Variants in RAB43 observed in about 807,000 individuals in gnomAD.
RAB43 encodes ras-related protein Rab-43.
A neutral mutation model predicts 18.8 loss-of-function variants in RAB43; 6 were observed. The ratio of observed to expected loss-of-function variants is 0.32; its 90% CI spans 0.17 to 0.63. RAB43 has a LOEUF of 0.63. Ranked by LOEUF, RAB43 falls within the 30% of genes least tolerant of loss-of-function variation. The probability of loss-of-function intolerance (pLI) is 0.79; values close to 1 mark genes in which losing one functional copy is unlikely to be tolerated. For synonymous variants in RAB43, 103 were observed against 124.1 expected (o/e 0.83, Z 1.13); for missense variants, 195 against 289.1 (o/e 0.67, Z 2.36).
chr3:129,107,190 A>T lies in RAB43; in HGVS notation c.205-12021T>A, dbSNP rs1304875625. ...GGGGTCACAGGAATGAAGCATCAGC[A>T]GAGGTCTGTCTGACTCCGAAGCCTG... On this transcript the variant is annotated intron_variant, in intron 1 of 2. Coordinates refer to ENST00000315150, the MANE Select transcript of RAB43 (RefSeq NM_198490.3). This position sits in a 1 kb window ranked among gnomAD's most constrained non-coding sequence, Gnocchi z 4.2. Among the ~76,000 whole-genome samples the T allele has an allele frequency of 6.6e-6, 1 of 152,234 alleles. No homozygotes were observed. The highest frequency in any genetic ancestry group is 1.5e-5 in the Non-Finnish European group (1 of 68,048).
At chr3:129,115,735 C>T (rs1307613787) in intron 1 of RAB43, among the ~76,000 whole-genome samples, 7 of 151,980 alleles carry the variant, frequency 4.6e-5, no homozygotes, top group Admixed American at 3.9e-4. Flanking sequence ...GCAGGAGAAT[C>T]GCTTGAACCT....
chr3:129,110,745 GTGA>G (rs1935112902), intron 1 of RAB43, among the ~76,000 whole-genome samples: 1 of 152,122 alleles, frequency 6.6e-6, no homozygotes. Context: ...TTCTTTTGCG[GTGA>G]TGAAAATATC....
chr3:129,094,230 A>T (rs988463427), intron 2 of RAB43, among the ~76,000 whole-genome samples: 3 of 152,178 alleles, frequency 2.0e-5, no homozygotes, highest in African/African-American at 7.2e-5. Context: ...ATTCTGAGGC[A>T]CGGAAGCCAT....
intron 1 of RAB43, among the ~76,000 whole-genome samples, chr3:129,118,864 T>A (rs1576852755): frequency 6.6e-6 from 1 of 152,184 alleles, no homozygotes; most frequent in African/African-American, 2.4e-5. Context: ...GATGTGCACT[T>A]GCTTTCCACA....
At chr3:129,092,007 G>A (rs1466547855) in intron 2 of RAB43, among the ~76,000 whole-genome samples, 7 of 149,184 alleles carry the variant, frequency 4.7e-5, no homozygotes, top group Non-Finnish European at 8.9e-5. Context: ...GCAGTGAGCC[G>A]AGATTGTGCC....
Position 129,095,040 on chromosome 3 carries a change from A to T in RAB43, c.334T>A (p.Trp112Arg). 1.2e-6 allele frequency: 2 copies of T among 1,613,686 alleles called. No homozygotes were observed. Among genetic ancestry groups the T allele is most frequent in the Non-Finnish European group, 1.7e-6 (2 of 1,179,732 alleles). Residue 112 changes from tryptophan (W) to arginine (R), a missense_variant, in exon 2 of 3, where the codon TGG becomes AGG. Physicochemically the swap from Trp to Arg is moderately radical, Grantham distance 101. Coordinates refer to ENST00000315150, the MANE Select transcript of RAB43 (RefSeq NM_198490.3). The surrounding 1 kb of genome is among the most constrained non-coding windows in gnomAD (Gnocchi z 4.2). The part of the protein sequence containing the change: ...KRSSFLSVPH[W>R]IEDVRKYAGS... The stretch of plus-strand genomic sequence containing the variant: ...GCATACTTCCTCACATCCTCAATCC[A>T]GTGAGGCACCGACAGGAAGGAGCTC...
At position 129,095,529 on chromosome 3, in the gene RAB43, C is replaced by T. The variant is rs1026551673; in HGVS notation, c.205-360G>A. Among the ~76,000 whole-genome samples, 2 of 152,202 alleles carry T rather than the reference C, an allele frequency of 1.3e-5. No homozygotes were observed. The highest frequency in any genetic ancestry group is 1.3e-4 in the Admixed American group (2 of 15,284). On this transcript the variant is annotated intron_variant, in intron 1 of 2. Coordinates refer to ENST00000315150, the MANE Select transcript of RAB43 (RefSeq NM_198490.3). The surrounding 1 kb of genome is among the most constrained non-coding windows in gnomAD (Gnocchi z 4.2). The stretch of plus-strand genomic sequence containing the variant: ...AAGCGGCCGGCGGCTGGAAAGCTGG[C>T]TCCAGGTGCACTGCACGGCCAGCAG...
intron 1 of RAB43, among the ~76,000 whole-genome samples, chr3:129,119,855 TAGCACATG>T (rs1935796310): frequency 1.3e-5 from 2 of 152,102 alleles, no homozygotes; most frequent in Non-Finnish European, 2.9e-5. Context: ...CACAGACCGA[TAGCACATG>T]AGGAGGACAC....
chr3:129,109,742 AAATAATAAT>A (rs530716127), intron 1 of RAB43, among the ~76,000 whole-genome samples: 8 of 150,586 alleles, frequency 5.3e-5, no homozygotes, highest in Admixed American at 1.3e-4. Context: ...ACTCCATCTA[AAATAATAAT>A]AATAATAATA....
Position 129,091,312 on chromosome 3 carries a change from G to C in RAB43, c.423C>G (p.Val141=). 6.2e-7 allele frequency: 1 copy of C among 1,600,744 alleles called. No individual in the cohort carries two copies. Among genetic ancestry groups the C allele is most frequent in the Non-Finnish European group, 8.5e-7 (1 of 1,173,640 alleles). ...CCAGGCTCTGTGCCTCAGCCAAGGAGACCTCCCGAAGCTCGCTGAGGTCTG... is the reference window on the plus strand; with the variant it reads ...CCAGGCTCTGTGCCTCAGCCAAGGACACCTCCCGAAGCTCGCTGAGGTCTG... ...NKSDLSELRE[V]SLAEAQSLAE... The change falls in exon 3 of 3, where the codon GTC becomes GTG. Residue 141 remains valine (V), a synonymous_variant. Transcript: ENST00000315150.
chr3:129,112,732 T>C (rs1242856018), intron 1 of RAB43, among the ~76,000 whole-genome samples: 1 of 151,614 alleles, frequency 6.6e-6, no homozygotes, highest in Non-Finnish European at 1.5e-5. Flanking sequence ...GCTAACATTA[T>C]GGTAGGCAGG....
At chr3:129,092,169 C>T (rs1304448393) in intron 2 of RAB43, among the ~76,000 whole-genome samples, 1 of 151,214 alleles carries the variant, frequency 6.6e-6, no homozygotes, top group Non-Finnish European at 1.5e-5. Flanking sequence ...CTGATCTCAA[C>T]AAACTGGAAA....
At chr3:129,104,933 T>C (rs1027904625) in intron 1 of RAB43, among the ~76,000 whole-genome samples, 3 of 152,196 alleles carry the variant, frequency 2.0e-5, no homozygotes, top group East Asian at 1.9e-4. Flanking sequence ...GGTCCAACCC[T>C]GAGCAGAATT....
chr3:129,115,585 C>G (rs575608660), intron 1 of RAB43, among the ~76,000 whole-genome samples: 1 of 152,042 alleles, frequency 6.6e-6, no homozygotes, highest in South Asian at 2.1e-4. Context: ...TTTGGGAGAC[C>G]CAGGTGGGTG....
At chr3:129,111,717 G>A (rs747667201) in intron 1 of RAB43, among the ~76,000 whole-genome samples, 4 of 151,714 alleles carry the variant, frequency 2.6e-5, no homozygotes, top group Non-Finnish European at 4.4e-5. Flanking sequence ...TAATAAAACT[G>A]ATTTTTTTCT....
chr3:129,115,739 T>C (rs1378311155), intron 1 of RAB43, among the ~76,000 whole-genome samples: 2 of 152,138 alleles, frequency 1.3e-5, no homozygotes, highest in East Asian at 3.9e-4. Flanking sequence ...GAGAATCGCT[T>C]GAACCTGGGA....
chr3:129,113,167 A>T lies in RAB43; in HGVS notation c.204+8119T>A, dbSNP rs866229936. Among the ~76,000 whole-genome samples the T allele has an allele frequency of 4.5e-3, 617 of 138,252 alleles. 4 individuals are homozygous for T. Among genetic ancestry groups the T allele is most frequent in the South Asian group, 0.012 (54 of 4,364 alleles). 90.7% of individuals were successfully genotyped at this position (138,252 alleles called of 152,430 possible). A position where few individuals can be genotyped will look rare whatever the true frequency, so the allele number is the denominator to read the frequency against. ...TTAGGTTATTTTTATTATTATTATT[A>T]TTATTTTTTTTTTTTCGAGATGGAG... On this transcript the variant is annotated intron_variant, in intron 1 of 2. Transcript: ENST00000315150.
intron 1 of RAB43, among the ~76,000 whole-genome samples, chr3:129,097,832 C>T (rs1399948177): frequency 1.3e-5 from 2 of 152,052 alleles, no homozygotes; most frequent in African/African-American, 2.4e-5. Context: ...AGATAACAAG[C>T]GGCCTGAGAC....
rs771551015 is a variant in RAB43 at position 129,094,999 on chromosome 3, C to A, written c.375G>T (p.Val125=). The A allele has an allele frequency of 6.2e-6, 10 of 1,610,840 alleles. No homozygotes were observed. Among genetic ancestry groups the A allele is most frequent in the Middle Eastern group, 1.7e-4 (1 of 6,044 alleles). The change falls in exon 2 of 3, where the codon GTG becomes GTT. Residue 125 remains valine (V), a synonymous_variant. Transcript: ENST00000315150. ...DVRKYAGSNI[V]QLLIGNKSDL... is the part of the protein sequence containing the mutation. ...TCCCCAACTCACCGATCAGCAGCTG[C>A]ACAATGTTGGAGCCCGCATACTTCC... is the stretch of plus-strand genomic sequence containing the variant.
Sources: gnomAD v4.1 joint callset for allele counts (sites outside exome capture counted in the v4.1 genomes callset) on GRCh38, gnomAD v4.1.1 for gene constraint, Gnocchi (gnomAD v3.1) non-coding constraint, MANE v1.5 for transcripts, NCBI Gene and HGNC (gene_info 2026-07-23, HGNC 2026-07-21) for gene names.